CCDC60: variants seen among roughly 807,000 people sequenced by gnomAD.
CCDC60 encodes coiled-coil domain containing 60, also known as coiled-coil domain-containing protein 60.
In CCDC60, 54 loss-of-function variants were observed where a neutral mutation model predicts 63.5. The observed-to-expected ratio is 0.85, with a 90% CI of 0.68 to 1.07. CCDC60 has a LOEUF of 1.07. CCDC60 is among the 50% of genes least tolerant of loss of function. The pLI is 0.00. For missense variants in CCDC60, 651 were observed against 684.3 expected (o/e 0.95, Z 0.54); for synonymous variants, 206 against 238.8 (o/e 0.86, Z 1.27).
chr12:119,517,010 C>CAA (rs1952371756), intron 8 of CCDC60, among the ~76,000 whole-genome samples: 1 of 152,168 alleles, frequency 6.6e-6, no homozygotes, highest in South Asian at 2.1e-4. Flanking sequence ...GTCTCTGAGA[C>CAA]AGGGTCTCGC....
chr12:119,498,155 C>T (rs1951756285), intron 5 of CCDC60, among the ~76,000 whole-genome samples: 1 of 152,150 alleles, frequency 6.6e-6, no homozygotes, highest in Admixed American at 6.5e-5. Flanking sequence ...TTTGATTCTG[C>T]TACTCAGATC....
In CCDC60 at chr12:119,471,994, C is replaced by G; in HGVS notation, c.171C>G (p.Arg57=). ...CCTCTTCCTCCCTGCATGTCTCCAG[C>G]TTTTTGATCCAGTCTGTGAAGATAG... is the stretch of plus-strand genomic sequence containing the variant. The part of the protein sequence containing the change: ...INLKKDLIRS[R]FLIQSVKIGR... Residue 57 remains arginine (R), a splice_region_variant and synonymous_variant, in exon 3 of 14, where the codon CGC becomes CGG. Transcript: ENST00000327554. The G allele has an allele frequency of 6.2e-7, 1 of 1,612,140 alleles. No individual in the cohort carries two copies. The highest frequency in any genetic ancestry group is 8.5e-7 in the Non-Finnish European group (1 of 1,179,134).
chr12:119,379,477 CAA>C (rs2136184079), intron 1 of CCDC60, among the ~76,000 whole-genome samples: 1 of 152,288 alleles, frequency 6.6e-6, no homozygotes, highest in East Asian at 1.9e-4. Context: ...GTTACAGGAA[CAA>C]AAAGGAAGCA....
Position 119,335,140 on chromosome 12 carries a change from C to A in CCDC60, c.-37C>A. On this transcript the variant is annotated 5_prime_UTR_variant, in exon 1 of 14. Coordinates refer to ENST00000327554, the MANE Select transcript of CCDC60 (RefSeq NM_178499.5). ...TAGAAGATTCTGGAAAAATCCTTGT[C>A]TTGGGGGCACAGGCTAAAACCTGAA... 6.5e-7 allele frequency: 1 copy of A among 1,544,072 alleles called. No individual in the cohort carries two copies. The highest frequency in any genetic ancestry group is 8.8e-7 in the Non-Finnish European group (1 of 1,132,318).
intron 1 of CCDC60, among the ~76,000 whole-genome samples, chr12:119,372,884 CT>C (rs1256110949): frequency 6.6e-6 from 1 of 152,154 alleles, no homozygotes; most frequent in Non-Finnish European, 1.5e-5. Context: ...ATTAGGAAAA[CT>C]CTAACAAGGC....
At chr12:119,349,143 A>G (rs569728694) in intron 1 of CCDC60, among the ~76,000 whole-genome samples, 1 of 152,268 alleles carries the variant, frequency 6.6e-6, no homozygotes, top group Non-Finnish European at 1.5e-5. Context: ...TTTCTCAACA[A>G]GGTAAACTTG....
chr12:119,359,627 C>G (rs1955753042), intron 1 of CCDC60, among the ~76,000 whole-genome samples: 2 of 150,844 alleles, frequency 1.3e-5, no homozygotes, highest in Admixed American at 1.3e-4. Context: ...GGAAGGTCAG[C>G]AGATAAACAA....
chr12:119,418,382 C>CTTTGT (rs1202154024), intron 1 of CCDC60, among the ~76,000 whole-genome samples: 2 of 60,726 alleles, frequency 3.3e-5, no homozygotes, highest in Non-Finnish European at 7.4e-5. Context: ...CCTTTTCTTT[C>CTTTGT]TTTCTTTTTT....
chr12:119,377,962 A>T (rs1395578344), intron 1 of CCDC60, among the ~76,000 whole-genome samples: 1 of 152,212 alleles, frequency 6.6e-6, no homozygotes, highest in Non-Finnish European at 1.5e-5. Context: ...AAAGAAAGAG[A>T]AAAGAGAATA....
chr12:119,361,379 T>C lies in CCDC60; in HGVS notation c.90+26113T>C, dbSNP rs1955789663. Among the ~76,000 whole-genome samples, 2 of 152,132 alleles carry C rather than the reference T, an allele frequency of 1.3e-5. 1 individual carries two copies. The highest frequency in any genetic ancestry group is 4.1e-4 in the South Asian group (2 of 4,820). ...GCTAGATCCAAGAGTTTAGACAAAG[T>C]CATCAAGAATCTGCCTATATTCATT... On this transcript the variant is annotated intron_variant, in intron 1 of 13. Transcript: ENST00000327554.
At chr12:119,391,932 A>G (rs546788505) in intron 1 of CCDC60, among the ~76,000 whole-genome samples, 8 of 152,170 alleles carry the variant, frequency 5.3e-5, no homozygotes, top group Admixed American at 1.3e-4. Flanking sequence ...TGTTCATTCT[A>G]TTGCTTTGCT....
intron 2 of CCDC60, among the ~76,000 whole-genome samples, chr12:119,447,482 TTA>T (rs1950562516): frequency 6.6e-6 from 1 of 152,222 alleles, no homozygotes; most frequent in East Asian, 1.9e-4. Flanking sequence ...TGTCCTGAAA[TTA>T]TAAACCAGGG....
chr12:119,405,565 A>G (rs947614661), intron 1 of CCDC60, among the ~76,000 whole-genome samples: 7 of 152,198 alleles, frequency 4.6e-5, no homozygotes, highest in Non-Finnish European at 1.0e-4. Flanking sequence ...AAAAAAACCA[A>G]AAACAAATAT....
intron 1 of CCDC60, among the ~76,000 whole-genome samples, chr12:119,401,074 CA>C (rs1956383964): frequency 6.6e-6 from 1 of 152,214 alleles, no homozygotes; most frequent in South Asian, 2.1e-4. Flanking sequence ...GTGTAAGCAA[CA>C]GTGAGTGGAG....
intron 1 of CCDC60, among the ~76,000 whole-genome samples, chr12:119,366,201 A>C (rs1293744133): frequency 6.7e-6 from 1 of 148,364 alleles, no homozygotes; most frequent in Non-Finnish European, 1.5e-5. Flanking sequence ...GAAGATCTAC[A>C]CAGTGACGTA....
intron 1 of CCDC60, among the ~76,000 whole-genome samples, chr12:119,357,196 G>C (rs942560658): frequency 6.6e-6 from 1 of 152,044 alleles, no homozygotes; most frequent in African/African-American, 2.4e-5. Context: ...ATCAAGTGAG[G>C]GTACTTAGGA....
intron 3 of CCDC60, among the ~76,000 whole-genome samples, chr12:119,474,366 A>C (rs1217027846): frequency 1.3e-5 from 2 of 152,216 alleles, no homozygotes; most frequent in Non-Finnish European, 2.9e-5. Context: ...CCATTTCCCA[A>C]ATTCTGTTCT....
At chr12:119,336,040 A>G (rs1261385670) in intron 1 of CCDC60, among the ~76,000 whole-genome samples, 12 of 143,332 alleles carry the variant, frequency 8.4e-5, no homozygotes, top group Non-Finnish European at 1.6e-4. Context: ...TGGGAATTGA[A>G]CAATGAGATC....
chr12:119,443,775 C>T (rs932897504), intron 2 of CCDC60, among the ~76,000 whole-genome samples: 2 of 152,194 alleles, frequency 1.3e-5, no homozygotes, highest in African/African-American at 4.8e-5. Context: ...CTTTTGGAGC[C>T]AGCATGAATC....
Sources: gnomAD v4.1 joint callset for allele counts (sites outside exome capture counted in the v4.1 genomes callset) on GRCh38, gnomAD v4.1.1 for gene constraint, MANE v1.5 for transcripts, NCBI Gene and HGNC (gene_info 2026-07-23, HGNC 2026-07-21) for gene names.